Variants in CREM observed in about 807,000 individuals in gnomAD.
CREM encodes the protein cAMP responsive element modulator, also known as cAMP-responsive element modulator.
A neutral mutation model predicts 37.3 loss-of-function variants in CREM; 13 were observed. The observed-to-expected ratio is 0.35, with a 90% confidence interval of 0.23 to 0.55. CREM has a LOEUF of 0.55. CREM is among the 20% of genes least tolerant of loss of function. CREM has a pLI of 0.88. For missense variants in CREM, 296 were observed against 362.3 expected, an observed-to-expected ratio of 0.82 and a Z score of 1.49; for synonymous variants, 124 against 120.2, an observed-to-expected ratio of 1.03 and a Z score of -0.21.
intron 3 of CREM, among the ~76,000 whole-genome samples, chr10:35,169,298 T>C (rs1030376223): frequency 1.3e-5 from 2 of 152,208 alleles, no homozygotes; most frequent in Non-Finnish European, 2.9e-5. Context: ...TAGTTCTCCT[T>C]GAAGAGGTCC....
At chr10:35,163,993 A>T (rs2093420377) in intron 3 of CREM, among the ~76,000 whole-genome samples, 1 of 151,806 alleles carries the variant, frequency 6.6e-6, no homozygotes, top group South Asian at 2.1e-4. Context: ...AAAAACAAAA[A>T]AAGAGCCCTA....
rs932643373 is a variant in CREM at position 35,126,986 on chromosome 10, G to T, written c.-262G>T. 6.6e-6 allele frequency: 1 copy of T among 152,496 alleles called. No individual in the cohort carries two copies. The highest frequency in any genetic ancestry group is 2.4e-5 in the African/African-American group (1 of 41,440). The allele number at this position is 152,496 out of a possible 1,614,324, so 9.4% of individuals were successfully genotyped here. On this transcript the variant is annotated 5_prime_UTR_variant, in exon 1 of 8. Transcript: ENST00000685392. ...GGACGGGGCGGGAGGACGCGGTTCGGTCGGCTGCAGCGCTACTTTTGGTCC... is the reference window on the plus strand; with the variant it reads ...GGACGGGGCGGGAGGACGCGGTTCGTTCGGCTGCAGCGCTACTTTTGGTCC...
At chr10:35,156,845 CAT>C (rs564581017) in intron 3 of CREM, among the ~76,000 whole-genome samples, 72 of 152,284 alleles carry the variant, frequency 4.7e-4, no homozygotes, top group South Asian at 1.7e-3. Context: ...AGGAAAAACA[CAT>C]GTCTTTAAAC....
intron 6 of CREM, among the ~76,000 whole-genome samples, chr10:35,204,493 G>A (rs1246774826): frequency 6.6e-6 from 1 of 151,752 alleles, no homozygotes; most frequent in Non-Finnish European, 1.5e-5. Flanking sequence ...CCAGCTACTC[G>A]GGAGGCTGAG....
intron 6 of CREM, among the ~76,000 whole-genome samples, chr10:35,203,696 T>C (rs2095443351): frequency 6.6e-6 from 1 of 151,870 alleles, no homozygotes; most frequent in Non-Finnish European, 1.5e-5. Flanking sequence ...TGTCTCAAAA[T>C]AAAAATAAAA....
intron 3 of CREM, chr10:35,158,344 G>T: frequency 4.7e-6 from 1 of 211,870 alleles, no homozygotes; most frequent in Non-Finnish European, 9.4e-6. Context: ...AGCTGCTACA[G>T]ACCGAGAAGC....
chr10:35,207,074 G>A (rs548866543), intron 7 of CREM, 23 bp downstream of exon 7: 23 of 1,605,828 alleles, frequency 1.4e-5, no homozygotes, highest in East Asian at 1.1e-4. Context: ...ACAGGGAATC[G>A]GTAACTTCTA....
At chr10:35,146,694 G>A (rs550097452) in intron 2 of CREM, among the ~76,000 whole-genome samples, 3 of 152,294 alleles carry the variant, frequency 2.0e-5, no homozygotes, top group African/African-American at 4.8e-5. Flanking sequence ...TAGGCTCGAC[G>A]TTTGTATTTT....
intron 6 of CREM, chr10:35,196,007 T>C: frequency 6.3e-7 from 1 of 1,594,220 alleles, no homozygotes. Context: ...ACTTTAACAT[T>C]TCTTTTGAAG....
At position 35,147,931 on chromosome 10, in the gene CREM, G is replaced by A. The variant is rs577243078; in HGVS notation, c.45-437G>A. Among the ~76,000 whole-genome samples the A allele has an allele frequency of 5.9e-5, 9 of 152,244 alleles. No homozygotes were observed. The South Asian group carries it at 1.9e-3, about 32-fold the overall frequency. On this transcript the variant is annotated intron_variant, in intron 2 of 7. Coordinates refer to ENST00000685392, the MANE Select transcript of CREM (RefSeq NM_183011.2). ...AAAACAAAAACCAGATAGTACAATTGGATGTCAGAAATGATTATTAGAAAG... is the reference window on the plus strand; with the variant it reads ...AAAACAAAAACCAGATAGTACAATTAGATGTCAGAAATGATTATTAGAAAG...
intron 7 of CREM, among the ~76,000 whole-genome samples, chr10:35,208,582 T>A (rs2095591416): frequency 6.6e-6 from 1 of 152,190 alleles, no homozygotes. Flanking sequence ...AGCAGTGTTA[T>A]CAAGGGCCCA....
At chr10:35,147,171 C>A (rs1201091558) in intron 2 of CREM, among the ~76,000 whole-genome samples, 1 of 151,422 alleles carries the variant, frequency 6.6e-6, no homozygotes. Context: ...CTGCCTCAGC[C>A]TCCCGAGTAG....
In CREM at chr10:35,137,894, G is replaced by A. The variant is rs537864112; in HGVS notation, c.44+15G>A. ...ACAAATCCAAGGTAGGTAGATGTAC[G>A]TTTTTCTGTTCTTTTGAAAATTCTA... On this transcript the variant is annotated intron_variant, in intron 2 of 7. Coordinates refer to ENST00000685392, the MANE Select transcript of CREM (RefSeq NM_183011.2). The A allele has an allele frequency of 1.2e-5, 19 of 1,569,898 alleles. 1 individual carries two copies. The South Asian group carries it at 1.8e-4, about 15-fold the overall frequency.
At chr10:35,196,425 A>G (rs1733808479) in intron 6 of CREM, 2 of 317,550 alleles carry the variant, frequency 6.3e-6, no homozygotes, top group South Asian at 9.7e-5. Flanking sequence ...TGTTTGTAAT[A>G]CAGTACTGAA....
chr10:35,204,250 A>G (rs569086332), intron 6 of CREM, among the ~76,000 whole-genome samples: 2 of 152,352 alleles, frequency 1.3e-5, no homozygotes, highest in South Asian at 2.1e-4. Context: ...ATTATTTTGT[A>G]TAGTCACAAA....
At chr10:35,141,959 T>G (rs1193135905) in intron 2 of CREM, among the ~76,000 whole-genome samples, 1 of 152,190 alleles carries the variant, frequency 6.6e-6, no homozygotes, top group Non-Finnish European at 1.5e-5. Flanking sequence ...TGAATGCTGC[T>G]GAGGGATCAA....
At chr10:35,153,241 G>A (rs1349603621) in intron 3 of CREM, among the ~76,000 whole-genome samples, 1 of 151,962 alleles carries the variant, frequency 6.6e-6, no homozygotes, top group African/African-American at 2.4e-5. Flanking sequence ...ACGACATAGC[G>A]AGACCTTGTC....
chr10:35,162,635 T>C (rs1180216276), intron 3 of CREM, among the ~76,000 whole-genome samples: 1 of 151,998 alleles, frequency 6.6e-6, no homozygotes, highest in East Asian at 1.9e-4. Flanking sequence ...CTTGTCTCTC[T>C]CCCTGTCAGT....
At chr10:35,183,271 A>G (rs4934539) in intron 5 of CREM, among the ~76,000 whole-genome samples, 50,321 of 151,942 alleles carry the variant, frequency 0.33, 8,434 homozygotes, top group Non-Finnish European at 0.35. Flanking sequence ...AAAGAAAAAT[A>G]TGAACTTTGT....
Sources: gnomAD v4.1 joint callset for allele counts (sites outside exome capture counted in the v4.1 genomes callset) on GRCh38, gnomAD v4.1.1 for gene constraint, MANE v1.5 for transcripts, NCBI Gene and HGNC (gene_info 2026-07-23, HGNC 2026-07-21) for gene names.